The following EVPL variants were observed in gnomAD, a reference collection of about 807,000 sequenced individuals.
The protein encoded by EVPL is 210 kDa cornified envelope precursor protein.
A neutral mutation model predicts 129.7 loss-of-function variants in EVPL; 94 were observed. The observed-to-expected ratio is 0.72, with a 90% confidence interval of 0.61 to 0.86. The LOEUF (loss-of-function observed/expected upper bound fraction) is 0.86, where lower values mean the gene tolerates loss of function less well. Among genes scored for constraint, EVPL ranks in the 40% least tolerant of loss-of-function variants. EVPL has a pLI of 0.00. For synonymous variants in EVPL, 1,172 were observed against 1,191.1 expected (o/e 0.98, Z 0.33); for missense variants, 2,625 against 2,721.1 (o/e 0.96, Z 0.79).
intron 2 of EVPL, 119 bp from the exon 3 acceptor site, chr17:76,023,773 C>T: frequency 7.0e-7 from 1 of 1,427,154 alleles, no homozygotes; most frequent in Non-Finnish European, 9.2e-7. Flanking sequence ...ACCTTGAGGC[C>T]CACGCCAGGC....
Position 76,009,759 on chromosome 17 carries a change from AG to A in EVPL, c.3445del (p.Leu1149SerfsTer7). The A allele has an allele frequency of 6.2e-7, 1 of 1,613,666 alleles. No individual in the cohort carries two copies. Among genetic ancestry groups the A allele is most frequent in the Non-Finnish European group, 8.5e-7 (1 of 1,179,994 alleles). On this transcript the variant is annotated frameshift_variant, in exon 22 of 22. Coordinates refer to ENST00000301607, the MANE Select transcript of EVPL (RefSeq NM_001988.4). LOFTEE classifies it low-confidence loss of function (END_TRUNC). The surrounding 1 kb of genome is among the most constrained non-coding windows in gnomAD (Gnocchi z 5.9). ...GCTCCTCAGCCTGGAGGACTCCTGGAGGAGCCCTGGGTCCTGCTCCACCTTC... is the reference window on the plus strand; with the variant it reads ...GCTCCTCAGCCTGGAGGACTCCTGGAGAGCCCTGGGTCCTGCTCCACCTTC... ...VKKVEQDPGL[L>X]QESSRLRSLL...
chr17:76,009,156 G>T lies in EVPL; in HGVS notation c.4049C>A (p.Ala1350Glu). 1.2e-6 allele frequency: 2 copies of T among 1,608,986 alleles called. No homozygotes were observed. Among genetic ancestry groups the T allele is most frequent in the Non-Finnish European group, 1.7e-6 (2 of 1,179,758 alleles). Residue 1350 changes from alanine to glutamate, a missense_variant, in exon 22 of 22, where the codon GCG becomes GAG. Transcript: ENST00000301607. This position sits in a 1 kb window ranked among gnomAD's most constrained non-coding sequence, Gnocchi z 5.9. The part of the protein sequence containing the change: ...AAQKRRAAED[A>E]VYELQSKRLL... ...GCGCTTGCTCTGCAGCTCGTACACC[G>T]CGTCCTCCGCGGCCCGCCTCTTCTG...
Position 76,009,807 on chromosome 17 carries a change from T to G in EVPL, c.3398A>C (p.Lys1133Thr). The change falls in exon 22 of 22, where the codon AAG becomes ACG. Residue 1133 changes from lysine (K) to threonine (T), a missense_variant. Coordinates refer to ENST00000301607, the MANE Select transcript of EVPL (RefSeq NM_001988.4). This position sits in a 1 kb window ranked among gnomAD's most constrained non-coding sequence, Gnocchi z 5.9. ...CTTCTTCACCTCCTTCACGATGACC[T>G]TGGGCTCCACCGAGCTGATAGCCCG... ...LERAISSVEPKVIVKEVKKVE... is the reference protein window; with the variant it reads ...LERAISSVEPTVIVKEVKKVE... 6.2e-7 allele frequency: 1 copy of G among 1,613,824 alleles called. No individual in the cohort carries two copies. The highest frequency in any genetic ancestry group is 8.5e-7 in the Non-Finnish European group (1 of 1,179,950).
At position 76,021,752 on chromosome 17, in the gene EVPL, C is replaced by A; in HGVS notation, c.837G>T (p.Gln279His). 1 of 1,609,652 alleles carries A rather than the reference C, an allele frequency of 6.2e-7. No homozygotes were observed. The change falls in exon 8 of 22, where the codon CAG (glutamine) becomes CAT (histidine). Residue 279 changes from glutamine to histidine, a missense_variant. Transcript: ENST00000301607. ...EHFKQHELLSQEQSVNQLEDD... is the reference protein window; with the variant it reads ...EHFKQHELLSHEQSVNQLEDD... ...CCTCCAGCTGGTTCACGCTCTGCTC[C>A]TGGCTCAGCAGCTCGTGCTGCTTGA...
chr17:76,018,788 G>A (rs1473913456), intron 11 of EVPL, 126 bp downstream of exon 11: 2 of 1,280,444 alleles, frequency 1.6e-6, no homozygotes, highest in South Asian at 1.6e-5. Flanking sequence ...TGAGTCAAGG[G>A]AAGGAGTAGG....
Position 76,010,370 on chromosome 17 carries a change from CA to C in EVPL, c.2834del (p.Leu945ArgfsTer16). 1.2e-6 allele frequency: 2 copies of C among 1,614,032 alleles called. No homozygotes were observed. Among genetic ancestry groups the C allele is most frequent in the Non-Finnish European group, 1.7e-6 (2 of 1,180,020 alleles). Reference protein sequence around the residue: ...LEAQRSQLLQLRTQRPLERLE... With the variant: ...LEAQRSQLLQXRTQRPLERLE... ...GCCTCTCCAAGGGCCGCTGGGTCCT[CA>C]GCTGCAGCAGTTGGCTCCTCTGCGC... On this transcript the variant is annotated frameshift_variant, in exon 22 of 22. Transcript: ENST00000301607. LOFTEE classifies it low-confidence loss of function (END_TRUNC).
rs757240268 is a variant in EVPL at position 76,007,734 on chromosome 17, C to T, written c.5471G>A (p.Ser1824Asn). Residue 1824 changes from serine to asparagine, a missense_variant, in exon 22 of 22, where the codon AGC (serine) becomes AAC (asparagine). Ser to Asn is a conservative substitution (Grantham distance 46). Coordinates refer to ENST00000301607, the MANE Select transcript of EVPL (RefSeq NM_001988.4). The surrounding 1 kb of genome is among the most constrained non-coding windows in gnomAD (Gnocchi z 8.8). ...PSFSLGLGDD[S>N]FPIAGIYDTT... ...GTCATAGATCCCGGCGATAGGGAAG[C>T]TGTCATCACCGAGCCCGAGAGAGAA... 3.7e-6 allele frequency: 6 copies of T among 1,612,942 alleles called. No homozygotes were observed. The highest frequency in any genetic ancestry group is 5.1e-6 in the Non-Finnish European group (6 of 1,179,236).
In EVPL at chr17:76,008,686, C is replaced by T. The variant is rs766845248; in HGVS notation, c.4519G>A (p.Asp1507Asn). 2 of 1,613,260 alleles carry T rather than the reference C, an allele frequency of 1.2e-6. No individual in the cohort carries two copies. Among genetic ancestry groups the T allele is most frequent in the Admixed American group, 1.7e-5 (1 of 60,012 alleles). Reference protein sequence around the residue: ...RECKNLQVQIDVLQKAKSQEK... With the variant: ...RECKNLQVQINVLQKAKSQEK... ...TGCGATTTGGCTTTCTGGAGGACGT[C>T]AATCTGGACCTGCAGGTTCTTGCAC... Residue 1507 changes from aspartate (D) to asparagine (N), a missense_variant, in exon 22 of 22, where the codon GAC (aspartate) becomes AAC (asparagine). Physicochemically the swap from Asp to Asn is conservative, Grantham distance 23. This residue lies in a region of EVPL where 1,453 missense variants were observed against 1,511.8 expected (regional missense o/e 0.96). Coordinates refer to ENST00000301607, the MANE Select transcript of EVPL (RefSeq NM_001988.4). This position sits in a 1 kb window ranked among gnomAD's most constrained non-coding sequence, Gnocchi z 7.4.
rs531366890 is a variant in EVPL at position 76,023,403 on chromosome 17, G to C, written c.369C>G (p.His123Gln). ...EEIEKDIKQL[H>Q]ERVTQECAEY... ...CCGCACACTCCTGGGTCACCCGCTC[G>C]TGCAGCTGCTTGATGCTGTCAAGAA... Residue 123 changes from histidine to glutamine, a missense_variant, in exon 4 of 22, where the codon CAC becomes CAG. His to Gln is a conservative substitution (Grantham distance 24, BLOSUM62 0). Coordinates refer to ENST00000301607, the MANE Select transcript of EVPL (RefSeq NM_001988.4). 6.2e-7 allele frequency: 1 copy of C among 1,613,752 alleles called. No homozygotes were observed. The highest frequency in any genetic ancestry group is 8.5e-7 in the Non-Finnish European group (1 of 1,179,980).
chr17:76,014,744 GTC>G (rs2066404373), intron 17 of EVPL, among the ~76,000 whole-genome samples, 168 bp from the exon 18 acceptor site: 2 of 152,194 alleles, frequency 1.3e-5, no homozygotes, highest in South Asian at 4.1e-4. Context: ...AGATGGGACA[GTC>G]TCTACCAGGC....
chr17:76,017,594 C>T (rs745431796), intron 14 of EVPL, 145 bp downstream of exon 14: 13 of 1,168,152 alleles, frequency 1.1e-5, no homozygotes, highest in African/African-American at 1.5e-5. Flanking sequence ...GGAGGGGAAC[C>T]AGCTTGTCTG....
chr17:76,013,838 G>C lies in EVPL; in HGVS notation c.2373+588C>G, dbSNP rs575114615. Among the ~76,000 whole-genome samples, 2 of 152,168 alleles carry C rather than the reference G, an allele frequency of 1.3e-5. No homozygotes were observed. The highest frequency in any genetic ancestry group is 2.9e-5 in the Non-Finnish European group (2 of 68,028). ...GCCTGGAAGCATCCCCTCCCCAGCAGCTTCTGGGGGCTGCAGGAGAGAGTG... is the reference window on the plus strand; with the variant it reads ...GCCTGGAAGCATCCCCTCCCCAGCACCTTCTGGGGGCTGCAGGAGAGAGTG... On this transcript the variant is annotated intron_variant, in intron 18 of 21. Transcript: ENST00000301607. This position sits in a 1 kb window ranked among gnomAD's most constrained non-coding sequence, Gnocchi z 4.3.
In EVPL at chr17:76,024,013, G is replaced by A; in HGVS notation, c.198+8C>T. The A allele has an allele frequency of 1.9e-6, 3 of 1,611,048 alleles. No individual in the cohort carries two copies. Among genetic ancestry groups the A allele is most frequent in the Non-Finnish European group, 2.5e-6 (3 of 1,178,992 alleles). On this transcript the variant is annotated splice_region_variant and intron_variant, in intron 2 of 21. Transcript: ENST00000301607. The surrounding 1 kb of genome is among the most constrained non-coding windows in gnomAD (Gnocchi z 4.5). ...TCCACGCCCTGCCAACTGCTGCCGG[G>A]GCCTCACCTGCTGCAGCCTCTTCTG...
chr17:76,012,332 A>C, intron 18 of EVPL: 1 of 441,694 alleles, frequency 2.3e-6, no homozygotes, highest in Non-Finnish European at 4.0e-6. Flanking sequence ...TTTGAGACCA[A>C]GTCTCACTCT....
At chr17:76,015,687 C>T in intron 14 of EVPL, 59 bp from the exon 15 acceptor site, 1 of 1,537,820 alleles carries the variant, frequency 6.5e-7, no homozygotes. Flanking sequence ...ACTCTTCTAC[C>T]AGGATACCCT....
chr17:76,012,558 G>GTGAGTAATCA (rs2066385886), intron 18 of EVPL, among the ~76,000 whole-genome samples: 1 of 152,016 alleles, frequency 6.6e-6, no homozygotes, highest in Admixed American at 6.6e-5. Flanking sequence ...GCCTCCCAAA[G>GTGAGTAATCA]TGCTGGGATT....
In EVPL at chr17:76,011,777, C is replaced by T. The variant is rs775368800; in HGVS notation, c.2563G>A (p.Ala855Thr). The change falls in exon 20 of 22, where the codon GCC (alanine) becomes ACC (threonine). Residue 855 changes from alanine (A) to threonine (T), a missense_variant. Physicochemically the swap from Ala to Thr is moderately conservative, Grantham distance 58. Around this residue, in one of 4 missense-constraint regions of EVPL, gnomAD observed 1,024 missense variants for 997.5 expected, o/e 1.03. Coordinates refer to ENST00000301607, the MANE Select transcript of EVPL (RefSeq NM_001988.4). ...RVAPLQESIQ[A>T]QEKNLAKAYT... ...CCCGCAAGGTCCCATCTCACCTGGG[C>T]TTGGATGCTCTCTTGCAGGGGAGCC... 23 of 1,611,862 alleles carry T rather than the reference C, an allele frequency of 1.4e-5. No individual in the cohort carries two copies. Among genetic ancestry groups the T allele is most frequent in the Non-Finnish European group, 1.9e-5 (22 of 1,178,790 alleles).
rs1255054159 is a variant in EVPL at position 76,010,162 on chromosome 17, G to A, written c.3043C>T (p.Leu1015=). The A allele has an allele frequency of 6.2e-7, 1 of 1,613,986 alleles. No homozygotes were observed. The highest frequency in any genetic ancestry group is 8.5e-7 in the Non-Finnish European group (1 of 1,180,032). ...TCCACCTGGGTGACCTCCTTGGTCA[G>A]CAGATGAGGCTGCATGGTCTTCCTC... ...SKRKTMQPHL[L]TKEVTQVERD... The change falls in exon 22 of 22, where the codon CTG becomes TTG. Residue 1015 remains leucine (L), a synonymous_variant. Coordinates refer to ENST00000301607, the MANE Select transcript of EVPL (RefSeq NM_001988.4).
chr17:76,007,459 A>G lies in EVPL; in HGVS notation c.5746T>C (p.Ser1916Pro). Reference sequence around the variant, plus strand: ...CCCTTCTGGACGGCCTCGCCCACCGAGAGCCTCTTCTTGGTGACGGGGTCC... The same window carrying G: ...CCCTTCTGGACGGCCTCGCCCACCGGGAGCCTCTTCTTGGTGACGGGGTCC... The part of the protein sequence containing the change: ...IEDPVTKKRL[S>P]VGEAVQKGWM... Residue 1916 changes from serine (S) to proline (P), a missense_variant, in exon 22 of 22, where the codon TCG (serine) becomes CCG (proline). This residue lies in a region of EVPL where 1,453 missense variants were observed against 1,511.8 expected (regional missense o/e 0.96). Transcript: ENST00000301607. The surrounding 1 kb of genome is among the most constrained non-coding windows in gnomAD (Gnocchi z 8.8). 6.2e-7 allele frequency: 1 copy of G among 1,609,134 alleles called. No individual in the cohort carries two copies. The highest frequency in any genetic ancestry group is 8.5e-7 in the Non-Finnish European group (1 of 1,177,836).
Sources: allele counts gnomAD v4.1 joint callset (sites outside exome capture counted in the v4.1 genomes callset), GRCh38; gene constraint gnomAD v4.1.1; regional missense constraint gnomAD v4.1.1; non-coding constraint Gnocchi (gnomAD v3.1); transcripts MANE v1.5; gene names NCBI Gene and HGNC (gene_info 2026-07-23, HGNC 2026-07-21).